The following IRGM variants were observed in gnomAD, a reference collection of about 807,000 sequenced individuals.
IRGM encodes immunity-related GTPase family M protein.
For missense variants in IRGM, 288 were observed against 219.9 expected, an observed-to-expected ratio of 1.31 and a Z score of -1.96; for synonymous variants, 98 against 80.6, an observed-to-expected ratio of 1.22 and a Z score of -1.16.
chr5:150,897,036 T>C, intron 3 of IRGM: 2 of 1,305,920 alleles, frequency 1.5e-6, no homozygotes, highest in Non-Finnish European at 2.1e-6. Context: ...GGTAAAGAAG[T>C]AGAACAAATG....
At chr5:150,856,682 C>T (rs921069888) in intron 1 of IRGM, among the ~76,000 whole-genome samples, 9 of 150,904 alleles carry the variant, frequency 6.0e-5, no homozygotes, top group Non-Finnish European at 1.2e-4. Context: ...GTTTCCCAGA[C>T]TGGTCTCAAA....
chr5:150,895,470 G>C (rs772566691), intron 3 of IRGM: 2 of 1,612,390 alleles, frequency 1.2e-6, no homozygotes, highest in Non-Finnish European at 1.7e-6. Context: ...AGTTAGTTGT[G>C]ACTTCTGGAT....
At chr5:150,873,755 CTGGTAGGGTGAGGGCTATTA>C (rs1292046504) in intron 1 of IRGM, among the ~76,000 whole-genome samples, 12 of 152,186 alleles carry the variant, frequency 7.9e-5, no homozygotes, top group African/African-American at 2.9e-4. Context: ...GGCTCCCTGA[CTGGTAGGGTGAGGGCTATTA>C]TGGTGGGAAA....
In IRGM at chr5:150,848,202, A is replaced by G; in HGVS notation, c.79A>G (p.Lys27Glu). 1 of 1,551,734 alleles carries G rather than the reference A, an allele frequency of 6.4e-7. No homozygotes were observed. Among genetic ancestry groups the G allele is most frequent in the Non-Finnish European group, 8.7e-7 (1 of 1,146,910 alleles). Residue 27 changes from lysine (K) to glutamate (E), a missense_variant, in exon 2 of 2, where the codon AAG (lysine) becomes GAG (glutamate). By Grantham distance (56) the Lys-to-Glu change is moderately conservative. Coordinates refer to ENST00000522154, the MANE Select transcript of IRGM (RefSeq NM_001145805.2). ...GATCTCTAACATCAAGGAGACTCTG[A>G]AGATAGTGTCCAGGACACCAGTTAA... ...EVISNIKETLKIVSRTPVNIT... is the reference protein window; with the variant it reads ...EVISNIKETLEIVSRTPVNIT...
At chr5:150,883,175 G>T (rs1754470041) in intron 3 of IRGM, among the ~76,000 whole-genome samples, 1 of 151,930 alleles carries the variant, frequency 6.6e-6, no homozygotes, top group South Asian at 2.1e-4. Context: ...AATTAAAGTG[G>T]AAACAAAATA....
At chr5:150,869,403 G>C (rs1484865982) in intron 1 of IRGM, among the ~76,000 whole-genome samples, 1 of 152,030 alleles carries the variant, frequency 6.6e-6, no homozygotes, top group South Asian at 2.1e-4. Flanking sequence ...GAGGATTTTT[G>C]TATCTATGTT....
intron 3 of IRGM, among the ~76,000 whole-genome samples, chr5:150,880,065 A>T (rs1456875130): frequency 6.6e-6 from 1 of 152,204 alleles, no homozygotes; most frequent in Non-Finnish European, 1.5e-5. Flanking sequence ...GAGTCATCTG[A>T]ACCATTAAAA....
At chr5:150,867,770 A>G (rs921473240) in intron 1 of IRGM, among the ~76,000 whole-genome samples, 3 of 149,942 alleles carry the variant, frequency 2.0e-5, no homozygotes, top group East Asian at 3.9e-4. Context: ...GGCCATTTGT[A>G]TATCTTCTTT....
At chr5:150,851,742 T>C (rs1753979355), downstream of IRGM, among the ~76,000 whole-genome samples, 2 of 152,222 alleles carry the variant, frequency 1.3e-5, no homozygotes, top group East Asian at 1.9e-4. Context: ...TAACCACTGA[T>C]GGTATTTACA....
chr5:150,891,127 A>G (rs963520253), intron 3 of IRGM, among the ~76,000 whole-genome samples: 1 of 152,092 alleles, frequency 6.6e-6, no homozygotes, highest in Non-Finnish European at 1.5e-5. Flanking sequence ...TATTAAGTGC[A>G]TAAGTGTTTA....
intron 3 of IRGM, among the ~76,000 whole-genome samples, chr5:150,887,442 T>C (rs972911385): frequency 1.3e-5 from 2 of 151,958 alleles, no homozygotes; most frequent in East Asian, 1.9e-4. Context: ...TATGGAGTTA[T>C]GTAAAGTGTC....
chr5:150,856,036 T>C (rs558564318), intron 1 of IRGM, among the ~76,000 whole-genome samples: 3 of 151,428 alleles, frequency 2.0e-5, no homozygotes, highest in Non-Finnish European at 4.4e-5. Flanking sequence ...TATAAATCTC[T>C]AACAGCATTG....
In IRGM at chr5:150,897,739, A is replaced by G. The variant is rs1581660338; in HGVS notation, c.*141-2850A>G. 3 of 313,220 alleles carry G rather than the reference A, an allele frequency of 9.6e-6. No homozygotes were observed. In the East Asian group the frequency reaches 1.6e-4, roughly 17 times the overall value. The allele number at this position is 313,220 out of a possible 1,614,324, so 19.4% of individuals were successfully genotyped here. Reference sequence around the variant, plus strand: ...ATTTTCTCTGAACTTCTAAAACAGTAACTGTATTTGACATTTAATTTAATA... The same window carrying G: ...ATTTTCTCTGAACTTCTAAAACAGTGACTGTATTTGACATTTAATTTAATA... On this transcript the variant is annotated intron_variant and NMD_transcript_variant, in intron 3 of 3. Transcript: ENST00000520549.
intron 3 of IRGM, among the ~76,000 whole-genome samples, chr5:150,892,347 G>C (rs890597877): frequency 3.3e-5 from 5 of 152,140 alleles, no homozygotes; most frequent in African/African-American, 1.2e-4. Flanking sequence ...GGCAGGAGAG[G>C]CAGCATAACA....
At chr5:150,866,345 A>G (rs1437455615) in intron 1 of IRGM, among the ~76,000 whole-genome samples, 4 of 152,316 alleles carry the variant, frequency 2.6e-5, no homozygotes, top group African/African-American at 9.6e-5. Context: ...GAGAAGAGAA[A>G]GAAGAAAAAC....
At position 150,859,078 on chromosome 5, in the gene IRGM, G is replaced by C. The variant is rs9764508; in HGVS notation, c.158+10424G>C. Among the ~76,000 whole-genome samples the C allele has an allele frequency of 9.2e-4, 140 of 152,166 alleles. 1 individual carries two copies. The highest frequency in any genetic ancestry group is 3.2e-3 in the African/African-American group (134 of 41,518). On this transcript the variant is annotated intron_variant and NMD_transcript_variant, in intron 1 of 3. Transcript: ENST00000520549. ...GGTTGTGGATTTGTCATAGGTAGCTGTTATTATTTTGAGATACGTCCCATC... is the reference window on the plus strand; with the variant it reads ...GGTTGTGGATTTGTCATAGGTAGCTCTTATTATTTTGAGATACGTCCCATC...
intron 3 of IRGM, among the ~76,000 whole-genome samples, chr5:150,884,126 C>T (rs1423429732): frequency 4.0e-5 from 6 of 151,264 alleles, no homozygotes; most frequent in East Asian, 1.9e-4. Flanking sequence ...ATCACATTAA[C>T]GGAATGAAGG....
At chr5:150,886,726 C>T (rs1426234728) in intron 3 of IRGM, among the ~76,000 whole-genome samples, 2 of 151,772 alleles carry the variant, frequency 1.3e-5, no homozygotes, top group African/African-American at 4.8e-5. Context: ...TATTCTTATT[C>T]CTATGGGGTT....
chr5:150,848,506 T>C lies in IRGM; in HGVS notation c.383T>C (p.Val128Ala), dbSNP rs1753920879. ...TCTGCACAATTCAGCATGAATCATG[T>C]GATGCTTGCCAAAACCGCTGAGGAC... ...VASAQFSMNH[V>A]MLAKTAEDMG... Residue 128 changes from valine to alanine, a missense_variant, in exon 2 of 2, where the codon GTG (valine) becomes GCG (alanine). Val to Ala is a moderately conservative substitution (Grantham distance 64, BLOSUM62 0). Coordinates refer to ENST00000522154, the MANE Select transcript of IRGM (RefSeq NM_001145805.2). 6.4e-7 allele frequency: 1 copy of C among 1,551,726 alleles called. No homozygotes were observed. Among genetic ancestry groups the C allele is most frequent in the East Asian group, 2.4e-5 (1 of 41,066 alleles).
Sources: allele counts gnomAD v4.1 joint callset (sites outside exome capture counted in the v4.1 genomes callset), GRCh38; gene constraint gnomAD v4.1.1; transcripts MANE v1.5; gene names NCBI Gene and HGNC (gene_info 2026-07-23, HGNC 2026-07-21).